The following CTNND2 variants were observed in gnomAD, a reference collection of about 807,000 sequenced individuals.
The protein encoded by CTNND2 is catenin delta 2, also known as catenin delta-2.
CTNND2 carries 22 observed loss-of-function variants against 144.4 expected under a neutral mutation model. The observed-to-expected ratio is 0.15, with a 90% CI of 0.11 to 0.22. The LOEUF is 0.22. CTNND2 is among the 10% of genes least tolerant of loss of function. CTNND2 has a pLI of 1.00. For synonymous variants in CTNND2, 751 were observed against 695.6 expected (o/e 1.08, Z -1.25); for missense variants, 1,353 against 1,618.8 (o/e 0.84, Z 2.82).
chr5:11,476,699 T>C (rs1229615113), intron 3 of CTNND2, among the ~76,000 whole-genome samples: 1 of 152,186 alleles, frequency 6.6e-6, no homozygotes, highest in East Asian at 1.9e-4. Flanking sequence ...TAAATGTTCA[T>C]GATTATTATT....
rs184140475 is a variant in CTNND2 at position 11,338,444 on chromosome 5, T to C, written c.1628+7928A>G. On this transcript the variant is annotated intron_variant, in intron 9 of 21. Transcript: ENST00000304623. Reference sequence around the variant, plus strand: ...CTTGGGGTACAGTCTGTTTTACTGATAGCACATGGATTTGGAAGAGAAGAG... The same window carrying C: ...CTTGGGGTACAGTCTGTTTTACTGACAGCACATGGATTTGGAAGAGAAGAG... Among the ~76,000 whole-genome samples, 297 of 152,306 alleles carry C rather than the reference T, an allele frequency of 2.0e-3. 1 individual carries two copies. The highest frequency in any genetic ancestry group is 6.9e-3 in the African/African-American group (288 of 41,566).
chr5:11,833,400 T>C (rs749008280), intron 1 of CTNND2, among the ~76,000 whole-genome samples: 5 of 152,204 alleles, frequency 3.3e-5, no homozygotes, highest in Non-Finnish European at 5.9e-5. Context: ...TGATTCTATT[T>C]ATATGACATT....
At chr5:11,470,954 G>GTATATATATA (rs71595821) in intron 3 of CTNND2, among the ~76,000 whole-genome samples, 4,462 of 62,806 alleles carry the variant, frequency 0.071, 429 homozygotes, top group Non-Finnish European at 0.1. Context: ...TTGATACAAA[G>GTATATATATA]TATATATATA....
At chr5:11,058,852 A>G (rs1029790327) in intron 16 of CTNND2, among the ~76,000 whole-genome samples, 2 of 152,230 alleles carry the variant, frequency 1.3e-5, no homozygotes, top group Admixed American at 1.3e-4. Context: ...GATGTTAGAC[A>G]TGGAATCAAA....
intron 8 of CTNND2, among the ~76,000 whole-genome samples, chr5:11,348,435 G>A (rs1755006363): frequency 3.9e-5 from 3 of 76,518 alleles, no homozygotes; most frequent in South Asian, 5.7e-4. Flanking sequence ...GAAAATCAAG[G>A]GCAAAAAAAA....
intron 1 of CTNND2, among the ~76,000 whole-genome samples, chr5:11,853,920 C>T (rs961089143): frequency 6.6e-6 from 1 of 152,176 alleles, no homozygotes; most frequent in Admixed American, 6.5e-5. Context: ...CTGGTCTCTC[C>T]GTGTCCACCA....
intron 2 of CTNND2, among the ~76,000 whole-genome samples, chr5:11,623,806 ATG>A (rs1349525158): frequency 4.2e-3 from 124 of 29,366 alleles, no homozygotes; most frequent in African/African-American, 6.6e-3. Context: ...ATATGTGTGT[ATG>A]TATATATATA....
rs376205238 is a variant in CTNND2 at position 11,718,041 on chromosome 5, G to A, written c.174+14095C>T. Among the ~76,000 whole-genome samples, 18 of 152,132 alleles carry A rather than the reference G, an allele frequency of 1.2e-4. No homozygotes were observed. In the South Asian group the frequency reaches 1.3e-3, roughly 11 times the overall value. On this transcript the variant is annotated intron_variant, in intron 2 of 21. Coordinates refer to ENST00000304623, the MANE Select transcript of CTNND2 (RefSeq NM_001332.4). The stretch of plus-strand genomic sequence containing the variant: ...CATCAGGACTCTTGAAATGAATTTC[G>A]CACATTCAATTCAATCTCAGTGGTT...
intron 3 of CTNND2, among the ~76,000 whole-genome samples, chr5:11,448,522 G>T (rs1361505986): frequency 2.0e-5 from 3 of 152,010 alleles, no homozygotes; most frequent in African/African-American, 7.2e-5. Flanking sequence ...GTGTGTGTTT[G>T]CTGTTGTCGT....
At chr5:11,861,561 G>A (rs575383563) in intron 1 of CTNND2, among the ~76,000 whole-genome samples, 61 of 152,218 alleles carry the variant, frequency 4.0e-4, no homozygotes, top group African/African-American at 7.7e-4. Flanking sequence ...TGTCCAAACC[G>A]ATGTCATCTT....
chr5:11,768,047 A>G (rs186581698), intron 1 of CTNND2, among the ~76,000 whole-genome samples: 23 of 152,194 alleles, frequency 1.5e-4, no homozygotes, highest in African/African-American at 4.6e-4. Flanking sequence ...ATGGGAGTTG[A>G]CCTGCCTTAT....
At chr5:11,112,406 C>T (rs1370043344) in intron 13 of CTNND2, among the ~76,000 whole-genome samples, 2 of 152,108 alleles carry the variant, frequency 1.3e-5, no homozygotes, top group African/African-American at 4.8e-5. Context: ...GGTATGTGGG[C>T]AGGGTCTAGA....
At chr5:11,462,860 A>G (rs1766342495) in intron 3 of CTNND2, among the ~76,000 whole-genome samples, 2 of 152,060 alleles carry the variant, frequency 1.3e-5, no homozygotes, top group Non-Finnish European at 2.9e-5. Flanking sequence ...GAAACAAGAA[A>G]AAAAGGACAA....
chr5:11,687,213 G>T (rs1405435921), intron 2 of CTNND2, among the ~76,000 whole-genome samples: 3 of 152,114 alleles, frequency 2.0e-5, no homozygotes, highest in Non-Finnish European at 4.4e-5. Context: ...TAAAACACAG[G>T]TCTGATCATG....
At position 11,397,132 on chromosome 5, in the gene CTNND2, T is replaced by A; in HGVS notation, c.511A>T (p.Ser171Cys). 7 of 1,614,240 alleles carry A rather than the reference T, an allele frequency of 4.3e-6. No homozygotes were observed. The highest frequency in any genetic ancestry group is 5.1e-6 in the Non-Finnish European group (6 of 1,180,046). The change falls in exon 6 of 22, where the codon AGC becomes TGC. Residue 171 changes from serine (S) to cysteine (C), a missense_variant. By Grantham distance (112) the Ser-to-Cys change is moderately radical. Coordinates refer to ENST00000304623, the MANE Select transcript of CTNND2 (RefSeq NM_001332.4). ...KPEGSFQYPA[S>C]YHSNQTLALG... ...GCCAGGGTCTGGTTGCTATGGTAGCTGGCCGGATACTGGAAAGACCCTTCA... is the reference window on the plus strand; with the variant it reads ...GCCAGGGTCTGGTTGCTATGGTAGCAGGCCGGATACTGGAAAGACCCTTCA...
At chr5:11,161,436 A>C (rs1182651355) in intron 11 of CTNND2, among the ~76,000 whole-genome samples, 2 of 152,198 alleles carry the variant, frequency 1.3e-5, no homozygotes, top group Admixed American at 6.5e-5. Context: ...GACTGATTTG[A>C]AATACTAGGA....
intron 9 of CTNND2, among the ~76,000 whole-genome samples, chr5:11,333,672 T>G (rs1753421883): frequency 6.6e-6 from 1 of 151,978 alleles, no homozygotes; most frequent in African/African-American, 2.4e-5. Flanking sequence ...TAGGGAAGAG[T>G]AGGGATGACC....
In CTNND2 at chr5:10,981,836, A is replaced by G. The variant is rs761786077; in HGVS notation, c.3354T>C (p.Thr1118=). 1.9e-6 allele frequency: 3 copies of G among 1,613,828 alleles called. No individual in the cohort carries two copies. The highest frequency in any genetic ancestry group is 3.3e-5 in the Admixed American group (2 of 59,992). The change falls in exon 21 of 22, where the codon ACT becomes ACC. Residue 1118 remains threonine, a synonymous_variant. Coordinates refer to ENST00000304623, the MANE Select transcript of CTNND2 (RefSeq NM_001332.4). ...AATTCCTATACAAAGTTGAAATTCC[A>G]GTGTTTTGAGCTAAAAGCAAAAGGA... ...SRKDAMTAQN[T]GISTLYRNSY...
chr5:11,673,455 A>C (rs1288657590), intron 2 of CTNND2, among the ~76,000 whole-genome samples: 6 of 152,126 alleles, frequency 3.9e-5, no homozygotes, highest in Non-Finnish European at 5.9e-5. Flanking sequence ...AATCTGCTTT[A>C]ATGGTTAAGC....
Sources: gnomAD v4.1 joint callset for allele counts (sites outside exome capture counted in the v4.1 genomes callset) on GRCh38, gnomAD v4.1.1 for gene constraint, MANE v1.5 for transcripts, NCBI Gene and HGNC (gene_info 2026-07-23, HGNC 2026-07-21) for gene names.